Variants in ZSWIM8 observed in about 807,000 individuals in gnomAD.
ZSWIM8 encodes the protein zinc finger SWIM domain-containing protein 8.
Under a neutral mutation model 173.7 loss-of-function variants are expected in ZSWIM8, and 27 were observed. The ratio of observed to expected loss-of-function variants is 0.16; its 90% CI spans 0.11 to 0.21. The LOEUF (loss-of-function observed/expected upper bound fraction) is 0.21. Among genes scored for constraint, ZSWIM8 ranks in the 10% least tolerant of loss-of-function variants. ZSWIM8 has a pLI of 1.00. For missense variants in ZSWIM8, 1,627 were observed against 2,428.8 expected (o/e 0.67, Z 6.94); for synonymous variants, 958 against 962.0 (o/e 1.00, Z 0.08).
rs376832824 is a variant in ZSWIM8, at chr10:73,800,431, A to G, written c.4961A>G (p.Asn1654Ser). 5 of 1,613,810 alleles carry G rather than the reference A, an allele frequency of 3.1e-6. No individual in the cohort carries two copies. Among genetic ancestry groups the G allele is most frequent in the East Asian group, 2.2e-5 (1 of 44,868 alleles). Reference protein sequence around the residue: ...PEEETHSQPVNPHSLHHLHAA... With the variant: ...PEEETHSQPVSPHSLHHLHAA... ...GAGGAGACACACAGTCAGCCAGTCA[A>G]TCCCCACAGCCTGCACCACCTGCAT... The change falls in exon 23 of 26, where the codon AAT becomes AGT. Residue 1654 changes from asparagine (N) to serine (S), a missense_variant. Physicochemically the swap from Asn to Ser is conservative, Grantham distance 46. This residue lies in a region of ZSWIM8 where 275 missense variants were observed against 290.1 expected (regional missense o/e 0.95). Transcript: ENST00000604729. The surrounding 1 kb of genome is among the most constrained non-coding windows in gnomAD (Gnocchi z 4.1).
Position 73,801,088 on chromosome 10 carries a change from A to G in ZSWIM8, c.5194A>G (p.Ile1732Val). The change falls in exon 25 of 26, where the codon ATC (isoleucine) becomes GTC (valine). Residue 1732 changes from isoleucine (I) to valine (V), a missense_variant. By Grantham distance (29) the Ile-to-Val change is conservative (BLOSUM62 3). Transcript: ENST00000604729. The surrounding 1 kb of genome is among the most constrained non-coding windows in gnomAD (Gnocchi z 4.9). Reference protein sequence around the residue: ...GVLSPFVLQEIVMETLQRLSP... With the variant: ...GVLSPFVLQEVVMETLQRLSP... ...GCTGAGCCCGTTTGTGCTGCAGGAG[A>G]TCGTCATGGAGACGCTGCAGCGGCT... 1.9e-6 allele frequency: 3 copies of G among 1,570,136 alleles called. No individual in the cohort carries two copies. The highest frequency in any genetic ancestry group is 2.6e-6 in the Non-Finnish European group (3 of 1,158,086).
chr10:73,791,355 C>T lies in ZSWIM8; in HGVS notation c.1175C>T (p.Ser392Leu). The T allele has an allele frequency of 1.2e-6, 2 of 1,612,868 alleles. No individual in the cohort carries two copies. Among genetic ancestry groups the T allele is most frequent in the Non-Finnish European group, 8.5e-7 (1 of 1,178,996 alleles). ...GGTTGGTGGTATAGCGTACGTACCT[C>T]AGCCTCACACAGCAGTGCCAGTGGG... Reference protein sequence around the residue: ...ITGWWYSVRTSASHSSASGHT... With the variant: ...ITGWWYSVRTLASHSSASGHT... Residue 392 changes from serine to leucine, a missense_variant, in exon 9 of 26, where the codon TCA (serine) becomes TTA (leucine). Physicochemically the swap from Ser to Leu is moderately radical, Grantham distance 145. Coordinates refer to ENST00000604729, the MANE Select transcript of ZSWIM8 (RefSeq NM_001367799.1). The surrounding 1 kb of genome is among the most constrained non-coding windows in gnomAD (Gnocchi z 6.0).
At position 73,794,297 on chromosome 10, in the gene ZSWIM8, G is replaced by A; in HGVS notation, c.2776G>A (p.Ala926Thr). The A allele has an allele frequency of 6.2e-7, 1 of 1,613,990 alleles. No individual in the cohort carries two copies. The highest frequency in any genetic ancestry group is 8.5e-7 in the Non-Finnish European group (1 of 1,179,896). ...TCGGCCTGTGTTGCCTCTCATGCTG[G>A]CCAGTTTCATCTTTGACGTTCTCTG... Reference protein sequence around the residue: ...DYRPVLPLMLASFIFDVLCAP... With the variant: ...DYRPVLPLMLTSFIFDVLCAP... The change falls in exon 13 of 26, where the codon GCC becomes ACC. Residue 926 changes from alanine to threonine, a missense_variant. Ala to Thr is a moderately conservative substitution (Grantham distance 58). This residue lies in a region of ZSWIM8 where 169 missense variants were observed against 235.3 expected (regional missense o/e 0.72). Coordinates refer to ENST00000604729, the MANE Select transcript of ZSWIM8 (RefSeq NM_001367799.1).
chr10:73,796,641 T>C (rs2083671633), intron 15 of ZSWIM8, 133 bp from the exon 16 acceptor site: 3 of 1,239,820 alleles, frequency 2.4e-6, no homozygotes, highest in Non-Finnish European at 2.2e-6. Flanking sequence ...GGTCATCCTG[T>C]GGTTGTAAGT....
Position 73,801,547 on chromosome 10 carries a change from G to A in ZSWIM8, c.*28G>A. The A allele has an allele frequency of 6.2e-7, 1 of 1,610,922 alleles. No individual in the cohort carries two copies. Among genetic ancestry groups the A allele is most frequent in the Non-Finnish European group, 8.5e-7 (1 of 1,178,950 alleles). Reference sequence around the variant, plus strand: ...CTTTCACCCTTAGGGTCCTATACAGGGACCCAGGCCTGTGGCTATGGGGGC... The same window carrying A: ...CTTTCACCCTTAGGGTCCTATACAGAGACCCAGGCCTGTGGCTATGGGGGC... On this transcript the variant is annotated 3_prime_UTR_variant, in exon 26 of 26. Transcript: ENST00000604729. The surrounding 1 kb of genome is among the most constrained non-coding windows in gnomAD (Gnocchi z 4.9).
chr10:73,797,740 A>C lies in ZSWIM8; in HGVS notation c.3663-41A>C. 6.3e-7 allele frequency: 1 copy of C among 1,588,340 alleles called. No individual in the cohort carries two copies. Among genetic ancestry groups the C allele is most frequent in the Non-Finnish European group, 8.6e-7 (1 of 1,165,626 alleles). Reference sequence around the variant, plus strand: ...CCAACCTACCCGGATGCCCATTTCAAAGAAACCCCAACCCCCGTCCCTACC... The same window carrying C: ...CCAACCTACCCGGATGCCCATTTCACAGAAACCCCAACCCCCGTCCCTACC... On this transcript the variant is annotated intron_variant, in intron 18 of 25. Transcript: ENST00000604729. The surrounding 1 kb of genome is among the most constrained non-coding windows in gnomAD (Gnocchi z 5.6).
In ZSWIM8 at chr10:73,797,128, C is replaced by A; in HGVS notation, c.3290C>A (p.Ser1097Tyr). The A allele has an allele frequency of 1.2e-6, 2 of 1,613,520 alleles. No homozygotes were observed. The highest frequency in any genetic ancestry group is 1.7e-6 in the Non-Finnish European group (2 of 1,179,686). ...CCTCACCTAGAGAGTTCCCCACATT[C>A]CCCCTGTGAGGGTCTTCCATCTGAG... ...EKNVPESSPH[S>Y]PCEGLPSEAA... is the part of the protein sequence containing the mutation. The change falls in exon 17 of 26, where the codon TCC (serine) becomes TAC (tyrosine). Residue 1097 changes from serine (S) to tyrosine (Y), a missense_variant. Around this residue, in one of 18 missense-constraint regions of ZSWIM8, gnomAD observed 163 missense variants for 193.2 expected, o/e 0.84. Transcript: ENST00000604729. This position sits in a 1 kb window ranked among gnomAD's most constrained non-coding sequence, Gnocchi z 5.6.
At chr10:73,795,962 CAAA>C (rs34801762) in intron 15 of ZSWIM8, among the ~76,000 whole-genome samples, 5 of 58,802 alleles carry the variant, frequency 8.5e-5, no homozygotes, top group Admixed American at 2.2e-4. Flanking sequence ...GACCCTGTTT[CAAA>C]AAAAAAAAAA....
chr10:73,797,793 C>T lies in ZSWIM8; in HGVS notation c.3675C>T (p.Arg1225=). The change falls in exon 19 of 26, where the codon CGC becomes CGT. Residue 1225 remains arginine, a synonymous_variant. Transcript: ENST00000604729. The surrounding 1 kb of genome is among the most constrained non-coding windows in gnomAD (Gnocchi z 5.6). ...KTVEVGRYKG[R]RPESHAPHVP... ...ATTGCCCCTTCAGGTACAAGGGCCG[C>T]CGCCCCGAGAGTCATGCCCCTCATG... 2 of 1,612,552 alleles carry T rather than the reference C, an allele frequency of 1.2e-6. No individual in the cohort carries two copies. Among genetic ancestry groups the T allele is most frequent in the East Asian group, 2.2e-5 (1 of 44,868 alleles).
rs960603130 is a variant in ZSWIM8, at chr10:73,789,622, C to T, written c.630+83C>T. ...CTGCATGCCTGGCTACAATGTGAGC[C>T]CCCTCGCCTCGCCTACTCTGCCTCT... On this transcript the variant is annotated intron_variant, in intron 4 of 25. Transcript: ENST00000604729. This position sits in a 1 kb window ranked among gnomAD's most constrained non-coding sequence, Gnocchi z 6.8. 2.5e-5 allele frequency: 39 copies of T among 1,550,552 alleles called. No homozygotes were observed. Among genetic ancestry groups the T allele is most frequent in the Admixed American group, 3.8e-5 (2 of 52,780 alleles).
chr10:73,791,591 T>C lies in ZSWIM8; in HGVS notation c.1319+92T>C. 1 of 1,381,274 alleles carries C rather than the reference T, an allele frequency of 7.2e-7. No homozygotes were observed. Among genetic ancestry groups the C allele is most frequent in the African/African-American group, 1.4e-5 (1 of 69,014 alleles). The allele number at this position is 1,381,274 out of a possible 1,614,324, so 85.6% of individuals were successfully genotyped here. A position where few individuals can be genotyped will look rare whatever the true frequency, so the allele number is the denominator to read the frequency against. On this transcript the variant is annotated intron_variant, in intron 9 of 25. Coordinates refer to ENST00000604729, the MANE Select transcript of ZSWIM8 (RefSeq NM_001367799.1). The surrounding 1 kb of genome is among the most constrained non-coding windows in gnomAD (Gnocchi z 6.0). ...TCTCCTTGTTTGCAGAGACATACCATGATTTTAGTCCTCGGGAAACGGGAG... is the reference window on the plus strand; with the variant it reads ...TCTCCTTGTTTGCAGAGACATACCACGATTTTAGTCCTCGGGAAACGGGAG...
rs1456341417 is a variant in ZSWIM8 at position 73,797,285 on chromosome 10, TG to T, written c.3433+17del. On this transcript the variant is annotated intron_variant, in intron 17 of 25. Coordinates refer to ENST00000604729, the MANE Select transcript of ZSWIM8 (RefSeq NM_001367799.1). This position sits in a 1 kb window ranked among gnomAD's most constrained non-coding sequence, Gnocchi z 5.6. ...AGAAGCACACAGGTAGGATAGCCTG[TG>T]GGCTAGCATAGAGGGAAGGATAATC... 2.3e-5 allele frequency: 37 copies of T among 1,613,888 alleles called. No homozygotes were observed. The highest frequency in any genetic ancestry group is 3.1e-5 in the Non-Finnish European group (37 of 1,179,806).
At chr10:73,790,455 G>C (rs1490956201) in intron 7 of ZSWIM8, among the ~76,000 whole-genome samples, 163 bp downstream of exon 7, 1 of 152,232 alleles carries the variant, frequency 6.6e-6, no homozygotes, top group Non-Finnish European at 1.5e-5. Flanking sequence ...GATGGAAGAT[G>C]ATGACCTTGT....
Position 73,789,269 on chromosome 10 carries a change from A to G in ZSWIM8, c.457+79A>G. The G allele has an allele frequency of 1.2e-6, 2 of 1,604,596 alleles. No individual in the cohort carries two copies. The highest frequency in any genetic ancestry group is 1.7e-6 in the Non-Finnish European group (2 of 1,173,344). On this transcript the variant is annotated intron_variant, in intron 3 of 25. Transcript: ENST00000604729. The surrounding 1 kb of genome is among the most constrained non-coding windows in gnomAD (Gnocchi z 6.8). ...TATGAAGTAAGAACACACCGCAAGA[A>G]GCTGGAGCATGTTGTCTGAATAACT... is the stretch of plus-strand genomic sequence containing the variant.
In ZSWIM8 at chr10:73,791,549, G is replaced by A; in HGVS notation, c.1319+50G>A. 6.7e-7 allele frequency: 1 copy of A among 1,496,008 alleles called. No individual in the cohort carries two copies. The highest frequency in any genetic ancestry group is 9.0e-7 in the Non-Finnish European group (1 of 1,115,492). The allele number at this position is 1,496,008 out of a possible 1,614,324, so 92.7% of individuals were successfully genotyped here. On this transcript the variant is annotated intron_variant, in intron 9 of 25. Coordinates refer to ENST00000604729, the MANE Select transcript of ZSWIM8 (RefSeq NM_001367799.1). This position sits in a 1 kb window ranked among gnomAD's most constrained non-coding sequence, Gnocchi z 6.0. Reference sequence around the variant, plus strand: ...CAGAACTGAGCCTGGGCCAGCTCAGGACAGACTGAGCCTTCATCTCCTTGT... The same window carrying A: ...CAGAACTGAGCCTGGGCCAGCTCAGAACAGACTGAGCCTTCATCTCCTTGT...
chr10:73,790,802 T>A (rs1472127857), intron 7 of ZSWIM8, among the ~76,000 whole-genome samples, 173 bp from the exon 8 acceptor site: 1 of 151,908 alleles, frequency 6.6e-6, no homozygotes, highest in Non-Finnish European at 1.5e-5. Flanking sequence ...TGAGGTGAGA[T>A]CGCGCCATTG....
intron 15 of ZSWIM8, chr10:73,796,522 C>T (rs2083665213): frequency 1.8e-6 from 1 of 545,986 alleles, no homozygotes. Flanking sequence ...CATTCATTCA[C>T]TTATTTCAGT....
In ZSWIM8 at chr10:73,796,811, A is replaced by G. The variant is rs538488972; in HGVS notation, c.3071A>G (p.His1024Arg). 33 of 1,613,978 alleles carry G rather than the reference A, an allele frequency of 2.0e-5. 1 individual carries two copies. The South Asian group carries it at 3.3e-4, about 16-fold the overall frequency. The change falls in exon 16 of 26, where the codon CAT becomes CGT. Residue 1024 changes from histidine (H) to arginine (R), a missense_variant. Physicochemically the swap from His to Arg is conservative, Grantham distance 29. This residue lies in a region of ZSWIM8 where 163 missense variants were observed against 193.2 expected (regional missense o/e 0.84). Transcript: ENST00000604729. Reference sequence around the variant, plus strand: ...CTCTTGGACCGAGAGAGCCAGACACATAAGCCACAGACGCTGAGTTCTTTC... The same window carrying G: ...CTCTTGGACCGAGAGAGCCAGACACGTAAGCCACAGACGCTGAGTTCTTTC... ...DKLLDRESQT[H>R]KPQTLSSFYS...
rs1180674317 is a variant in ZSWIM8, at chr10:73,793,704, G to A, written c.2430G>A (p.Glu810=). Residue 810 remains glutamate (E), a synonymous_variant, in exon 11 of 26, where the codon GAG becomes GAA. Coordinates refer to ENST00000604729, the MANE Select transcript of ZSWIM8 (RefSeq NM_001367799.1). Reference sequence around the variant, plus strand: ...CCAACCCACCCGACCTCAAGGTAGAGCCGCCCCCTGCCAAGGTGAGAGACC... The same window carrying A: ...CCAACCCACCCGACCTCAAGGTAGAACCGCCCCCTGCCAAGGTGAGAGACC... ...LLANPPDLKV[E]PPPAKGKKNK... is the part of the protein sequence containing the mutation. 1.1e-5 allele frequency: 18 copies of A among 1,610,298 alleles called. No homozygotes were observed. The highest frequency in any genetic ancestry group is 1.4e-5 in the Non-Finnish European group (16 of 1,178,088).
Sources: allele counts gnomAD v4.1 joint callset (sites outside exome capture counted in the v4.1 genomes callset), GRCh38; gene constraint gnomAD v4.1.1; regional missense constraint gnomAD v4.1.1; non-coding constraint Gnocchi (gnomAD v3.1); transcripts MANE v1.5; gene names NCBI Gene and HGNC (gene_info 2026-07-23, HGNC 2026-07-21).